SPAST: variants seen among roughly 807,000 people sequenced by gnomAD.
SPAST encodes the protein spastic paraplegia 4 (autosomal dominant; spastin).
Under a neutral mutation model 76.6 loss-of-function variants are expected in SPAST, and 30 were observed. The ratio of observed to expected loss-of-function variants is 0.39; its 90% confidence interval spans 0.29 to 0.53. SPAST has a LOEUF of 0.53. Ranked by LOEUF, SPAST falls within the 20% of genes least tolerant of loss-of-function variation. The pLI is 0.68. For missense variants in SPAST, 717 were observed against 770.5 expected (o/e 0.93, Z 0.82); for synonymous variants, 305 against 281.0 (o/e 1.09, Z -0.86).
intron 15 of SPAST, among the ~76,000 whole-genome samples, chr2:32,146,979 A>G (rs963844003): frequency 6.6e-5 from 10 of 151,752 alleles, no homozygotes; most frequent in African/African-American, 2.2e-4. Context: ...TTTGTGAACT[A>G]TTGTTTTTGG....
intron 4 of SPAST, among the ~76,000 whole-genome samples, chr2:32,103,109 G>C (rs1221825796): frequency 6.6e-6 from 1 of 152,056 alleles, no homozygotes; most frequent in Non-Finnish European, 1.5e-5. Flanking sequence ...ACTTTTTTTG[G>C]TTAGTAGGCT....
intron 1 of SPAST, among the ~76,000 whole-genome samples, chr2:32,081,129 T>C (rs1677205147): frequency 6.6e-6 from 1 of 152,060 alleles, no homozygotes. Context: ...TAGCTAATTT[T>C]TCTGTTTTTA....
At chr2:32,139,981 A>G (rs1177486085) in intron 12 of SPAST, among the ~76,000 whole-genome samples, 2 of 152,190 alleles carry the variant, frequency 1.3e-5, no homozygotes, top group East Asian at 3.8e-4. Context: ...AAAACACTCC[A>G]TGCTCATGGA....
At chr2:32,087,861 AATTATTATTATT>A (rs34216464) in intron 2 of SPAST, among the ~76,000 whole-genome samples, 12 of 141,352 alleles carry the variant, frequency 8.5e-5, no homozygotes, top group South Asian at 4.5e-4. Context: ...ATACTTAGCT[AATTATTATTATT>A]ATTATTATTA....
At chr2:32,092,589 A>C (rs557793879) in intron 3 of SPAST, among the ~76,000 whole-genome samples, 1 of 152,364 alleles carries the variant, frequency 6.6e-6, no homozygotes, top group South Asian at 2.1e-4. Context: ...TATGTAATGT[A>C]ATATGAAACT....
At chr2:32,125,720 G>C (rs998123690) in intron 7 of SPAST, among the ~76,000 whole-genome samples, 11 of 152,100 alleles carry the variant, frequency 7.2e-5, no homozygotes, top group Non-Finnish European at 1.0e-4. Flanking sequence ...CTTCTGCTTT[G>C]GTGGTGATTG....
intron 1 of SPAST, among the ~76,000 whole-genome samples, chr2:32,084,266 T>C (rs931239088): frequency 6.6e-6 from 1 of 151,674 alleles, no homozygotes; most frequent in African/African-American, 2.4e-5. Context: ...GTTCACGCCA[T>C]TCTCCTGCCT....
intron 12 of SPAST, among the ~76,000 whole-genome samples, chr2:32,139,624 T>C (rs1679650643): frequency 6.6e-6 from 1 of 151,766 alleles, no homozygotes; most frequent in Non-Finnish European, 1.5e-5. Flanking sequence ...GGTCAGGAGT[T>C]CGAGACCAGC....
At chr2:32,146,803 G>A (rs1478483557) in intron 15 of SPAST, among the ~76,000 whole-genome samples, 1 of 135,496 alleles carries the variant, frequency 7.4e-6, no homozygotes, top group African/African-American at 2.7e-5. Context: ...AGGTGAGGTT[G>A]CAGTAAGCCG....
At chr2:32,147,125 A>G in intron 15 of SPAST, 93 bp from the exon 16 acceptor site, 7 of 809,762 alleles carry the variant, frequency 8.6e-6, no homozygotes, top group South Asian at 5.4e-5. Flanking sequence ...TACTGAATAG[A>G]TACATGTAGA....
chr2:32,068,235 C>T (rs1034635245), intron 1 of SPAST, among the ~76,000 whole-genome samples: 7 of 152,084 alleles, frequency 4.6e-5, no homozygotes, highest in African/African-American at 1.4e-4. Flanking sequence ...GCCTCGGCCT[C>T]CCAAAGTGCT....
chr2:32,098,800 G>T lies in SPAST; in HGVS notation c.591G>T (p.Lys197Asn), dbSNP rs1364840009. 1 of 1,606,416 alleles carries T rather than the reference G, an allele frequency of 6.2e-7. No individual in the cohort carries two copies. The highest frequency in any genetic ancestry group is 1.7e-5 in the Admixed American group (1 of 59,960). The change falls in exon 4 of 17, where the codon AAG becomes AAT. Residue 197 changes from lysine (K) to asparagine (N), a missense_variant. This residue lies in a region of SPAST where 543 missense variants were observed against 445.2 expected (regional missense o/e 1.22). Coordinates refer to ENST00000315285, the MANE Select transcript of SPAST (RefSeq NM_014946.4). ...MAKDRLQLLE[K>N]MQPVLPFSKS... ...TTTACCTTCTCTGTTGCATAGAGAA[G>T]ATGCAACCAGTTTTGCCATTTTCCA...
At chr2:32,115,505 A>G (rs1468363676) in intron 5 of SPAST, among the ~76,000 whole-genome samples, 197 bp from the exon 6 acceptor site, 2 of 152,216 alleles carry the variant, frequency 1.3e-5, no homozygotes, top group Non-Finnish European at 1.5e-5. Context: ...AAAATCCTCT[A>G]TAACTGACTT....
In SPAST at chr2:32,082,503, C is replaced by T. The variant is rs973217644; in HGVS notation, c.416-4989C>T. On this transcript the variant is annotated intron_variant, in intron 1 of 16. Coordinates refer to ENST00000315285, the MANE Select transcript of SPAST (RefSeq NM_014946.4). ...CCTGAGATCAGGAGTTCGAGACCAG[C>T]CTGACCAACATGGAGAAACTCCGTC... Among the ~76,000 whole-genome samples the T allele has an allele frequency of 2.0e-4, 30 of 151,970 alleles. 1 individual carries two copies. The highest frequency in any genetic ancestry group is 6.8e-4 in the African/African-American group (28 of 41,384).
intron 1 of SPAST, among the ~76,000 whole-genome samples, chr2:32,084,688 C>T (rs1253810546): frequency 2.7e-5 from 4 of 150,814 alleles, no homozygotes; most frequent in African/African-American, 9.7e-5. Context: ...GAGTTTGAGT[C>T]CAGCCTGGCC....
chr2:32,081,804 A>AAAAAAAAAAAAAT (rs1329836769), intron 1 of SPAST, among the ~76,000 whole-genome samples: 3 of 145,184 alleles, frequency 2.1e-5, no homozygotes, highest in East Asian at 2.0e-4. Flanking sequence ...AAAAAAAAAA[A>AAAAAAAAAAAAAT]GGAAAGAAAA....
chr2:32,070,856 T>A (rs2148693028), intron 1 of SPAST, among the ~76,000 whole-genome samples: 1 of 152,338 alleles, frequency 6.6e-6, no homozygotes, highest in East Asian at 1.9e-4. Flanking sequence ...GTAAATATTT[T>A]AATTGTTGAA....
intron 12 of SPAST, 121 bp downstream of exon 12, chr2:32,137,309 A>G: frequency 1.2e-6 from 1 of 846,130 alleles, no homozygotes; most frequent in Admixed American, 1.9e-5. Flanking sequence ...TTCTTCCAGT[A>G]CTATCTCTAG....
intron 1 of SPAST, among the ~76,000 whole-genome samples, chr2:32,083,765 TA>T (rs1677352768): frequency 1.2e-4 from 12 of 97,982 alleles, no homozygotes; most frequent in Non-Finnish European, 1.8e-4. Flanking sequence ...TATATATATA[TA>T]TATATATATA....
Sources: gnomAD v4.1 joint callset for allele counts (sites outside exome capture counted in the v4.1 genomes callset) on GRCh38, gnomAD v4.1.1 for gene constraint, gnomAD v4.1.1 regional missense constraint, MANE v1.5 for transcripts, NCBI Gene and HGNC (gene_info 2026-07-23, HGNC 2026-07-21) for gene names.